The following HIVEP3 variants were observed in gnomAD, a reference collection of about 807,000 sequenced individuals.
The protein encoded by HIVEP3 is HIVEP zinc finger 3.
HIVEP3 carries 49 observed loss-of-function variants against 152.8 expected under a neutral mutation model. The ratio of observed to expected loss-of-function variants is 0.32; its 90% CI spans 0.26 to 0.41. The LOEUF is 0.41. HIVEP3 is among the 10% of genes least tolerant of loss of function. The probability of loss-of-function intolerance (pLI) is 1.00; values close to 1 mark genes in which losing one functional copy is unlikely to be tolerated. For missense variants in HIVEP3, 2,790 were observed against 3,103.3 expected, an observed-to-expected ratio of 0.90 and a Z score of 2.40; for synonymous variants, 1,269 against 1,289.0, an observed-to-expected ratio of 0.98 and a Z score of 0.33.
Position 41,777,859 on chromosome 1 carries a change from A to C in HIVEP3, c.-800-76864T>G, listed in dbSNP as rs1460036256. The stretch of plus-strand genomic sequence containing the variant: ...CTCTGGGAAGAGCGCAGATGTTGCT[A>C]ATGGAATCTTGGTAAAAGGTATCAT... On this transcript the variant is annotated intron_variant, in intron 1 of 8. Coordinates refer to ENST00000372583, the MANE Select transcript of HIVEP3 (RefSeq NM_024503.5). Among the ~76,000 whole-genome samples the C allele has an allele frequency of 2.0e-5, 3 of 152,354 alleles. No homozygotes were observed. The East Asian group carries it at 5.8e-4, about 29-fold the overall frequency.
chr1:41,613,972 A>G (rs1644931956), intron 3 of HIVEP3, among the ~76,000 whole-genome samples: 1 of 152,184 alleles, frequency 6.6e-6, no homozygotes, highest in African/African-American at 2.4e-5. Flanking sequence ...CATTTGCACT[A>G]AAAATATCAG....
chr1:41,695,127 T>C (rs1476395460), intron 2 of HIVEP3, among the ~76,000 whole-genome samples: 4 of 152,186 alleles, frequency 2.6e-5, no homozygotes, highest in Non-Finnish European at 5.9e-5. Flanking sequence ...AAAGAGCTAC[T>C]GTCAGGCAGG....
At chr1:41,821,170 T>A (rs2124342245) in intron 1 of HIVEP3, among the ~76,000 whole-genome samples, 1 of 152,276 alleles carries the variant, frequency 6.6e-6, no homozygotes, top group African/African-American at 2.4e-5. Context: ...GTGGTCTGGC[T>A]GCAAATCCCC....
At chr1:41,795,471 T>C (rs556681814) in intron 1 of HIVEP3, among the ~76,000 whole-genome samples, 2 of 152,350 alleles carry the variant, frequency 1.3e-5, no homozygotes, top group Non-Finnish European at 2.9e-5. Context: ...CCGCCAGGTT[T>C]ATTAACTGTG....
At chr1:41,962,310 T>G (rs1203176616) in intron 1 of HIVEP3, among the ~76,000 whole-genome samples, 2 of 152,232 alleles carry the variant, frequency 1.3e-5, no homozygotes, top group African/African-American at 4.8e-5. Flanking sequence ...CAGGTCAGCC[T>G]TGGCCAAAAG....
At chr1:42,029,912 C>A (rs540425817) in intron 1 of HIVEP3, among the ~76,000 whole-genome samples, 2 of 152,290 alleles carry the variant, frequency 1.3e-5, no homozygotes, top group African/African-American at 4.8e-5. Flanking sequence ...AAAAGAAAGC[C>A]CTGTTTCCAA....
chr1:41,744,491 T>C (rs190103077), intron 1 of HIVEP3, among the ~76,000 whole-genome samples: 2 of 152,378 alleles, frequency 1.3e-5, no homozygotes, highest in Admixed American at 1.3e-4. Flanking sequence ...GCTGGCCAGA[T>C]GGGAGACTTA....
chr1:41,620,678 C>T (rs1173586602), intron 3 of HIVEP3, among the ~76,000 whole-genome samples: 1 of 152,126 alleles, frequency 6.6e-6, no homozygotes, highest in African/African-American at 2.4e-5. Context: ...GCTTAGTGCC[C>T]CACTCATCTT....
At chr1:41,942,926 G>A (rs1645054932) in intron 1 of HIVEP3, among the ~76,000 whole-genome samples, 1 of 151,558 alleles carries the variant, frequency 6.6e-6, no homozygotes, top group African/African-American at 2.4e-5. Context: ...TTGAGACGGA[G>A]TTTCGCTCTG....
At chr1:41,575,917 T>A (rs1644320978) in intron 4 of HIVEP3, among the ~76,000 whole-genome samples, 1 of 152,224 alleles carries the variant, frequency 6.6e-6, no homozygotes, top group Non-Finnish European at 1.5e-5. Context: ...GTGTTACAGC[T>A]GGAACCCTGT....
At chr1:41,914,113 G>A (rs1377454803) in intron 1 of HIVEP3, among the ~76,000 whole-genome samples, 1 of 152,108 alleles carries the variant, frequency 6.6e-6, no homozygotes, top group African/African-American at 2.4e-5. Context: ...TAGTAATGAG[G>A]AGGGGAGACC....
intron 1 of HIVEP3, among the ~76,000 whole-genome samples, chr1:41,846,657 C>A (rs989377680): frequency 2.0e-5 from 3 of 152,242 alleles, no homozygotes; most frequent in Admixed American, 6.5e-5. Context: ...CCCTGAGATG[C>A]ATTACTGAAC....
chr1:41,758,177 G>A (rs12119023), intron 1 of HIVEP3, among the ~76,000 whole-genome samples: 52,627 of 151,960 alleles, frequency 0.35, 9,352 homozygotes, highest in East Asian at 0.46. Flanking sequence ...TGCCTTCCCC[G>A]GACAGGTTTT....
chr1:41,896,198 A>C lies in HIVEP3; in HGVS notation c.-801+22215T>G, dbSNP rs186468409. Among the ~76,000 whole-genome samples the C allele has an allele frequency of 1.5e-4, 23 of 152,308 alleles. 1 individual carries two copies. The highest frequency in any genetic ancestry group is 6.5e-5 in the Admixed American group (1 of 15,302). The stretch of plus-strand genomic sequence containing the variant: ...CTATGCAGCAGTTTTCCACTCTGTA[A>C]AATGGGAATAAAAACAATGTCTACC... On this transcript the variant is annotated intron_variant, in intron 1 of 8. Coordinates refer to ENST00000372583, the MANE Select transcript of HIVEP3 (RefSeq NM_024503.5).
intron 1 of HIVEP3, among the ~76,000 whole-genome samples, chr1:41,907,106 G>C (rs1644725484): frequency 6.6e-6 from 1 of 152,162 alleles, no homozygotes; most frequent in Non-Finnish European, 1.5e-5. Context: ...TGTGGCTTCT[G>C]CCTCCCAGGT....
In HIVEP3 at chr1:41,511,228, G is replaced by C; in HGVS notation, c.6444C>G (p.Gly2148=). 6.2e-7 allele frequency: 1 copy of C among 1,612,722 alleles called. No individual in the cohort carries two copies. Among genetic ancestry groups the C allele is most frequent in the South Asian group, 1.1e-5 (1 of 90,996 alleles). ...AESRSPSCSP[G]PAHPLSSRPF... ...GTCGGGAGGAGAGAGGATGAGCAGGGCCGGGTGAGCAGGAGGGACTTCGGG... is the reference window on the plus strand; with the variant it reads ...GTCGGGAGGAGAGAGGATGAGCAGGCCCGGGTGAGCAGGAGGGACTTCGGG... Residue 2148 remains glycine (G), a synonymous_variant, in exon 9 of 9, where the codon GGC becomes GGG. Coordinates refer to ENST00000372583, the MANE Select transcript of HIVEP3 (RefSeq NM_024503.5). The surrounding 1 kb of genome is among the most constrained non-coding windows in gnomAD (Gnocchi z 4.9).
intron 1 of HIVEP3, among the ~76,000 whole-genome samples, chr1:41,785,453 T>C (rs1305574892): frequency 6.6e-6 from 1 of 152,174 alleles, no homozygotes; most frequent in Non-Finnish European, 1.5e-5. Context: ...AAGATACTTA[T>C]CATAGTATTA....
At chr1:41,920,388 C>T (rs1476136657), upstream of HIVEP3, among the ~76,000 whole-genome samples, 1 of 152,102 alleles carries the variant, frequency 6.6e-6, no homozygotes, top group Non-Finnish European at 1.5e-5. Context: ...TCTACCCAGC[C>T]CCCCGGGGAA....
chr1:41,772,281 T>C (rs971727910), intron 1 of HIVEP3, among the ~76,000 whole-genome samples: 1 of 152,230 alleles, frequency 6.6e-6, no homozygotes, highest in Non-Finnish European at 1.5e-5. Flanking sequence ...GGAATCCTGC[T>C]GAGAGGAGAA....
Sources: gnomAD v4.1 joint callset for allele counts (sites outside exome capture counted in the v4.1 genomes callset) on GRCh38, gnomAD v4.1.1 for gene constraint, Gnocchi (gnomAD v3.1) non-coding constraint, MANE v1.5 for transcripts, NCBI Gene and HGNC (gene_info 2026-07-23, HGNC 2026-07-21) for gene names.